RERE: variants seen among roughly 807,000 people sequenced by gnomAD.
RERE encodes the protein arginine-glutamic acid dipeptide repeats protein.
A neutral mutation model predicts 146.1 loss-of-function variants in RERE; 40 were observed. That is an observed-to-expected ratio of 0.27 (90% confidence interval 0.21 to 0.36). The LOEUF (loss-of-function observed/expected upper bound fraction) is 0.36. RERE is among the 10% of genes least tolerant of loss of function. The pLI, the probability that RERE is intolerant of heterozygous loss-of-function variation, is 1.00. For missense variants in RERE, 1,933 were observed against 2,138.7 expected (o/e 0.90, Z 1.90); for synonymous variants, 1,003 against 866.0 (o/e 1.16, Z -2.78).
chr1:8,445,235 CAG>C (rs1263468175), intron 11 of RERE, among the ~76,000 whole-genome samples: 1 of 152,198 alleles, frequency 6.6e-6, no homozygotes, highest in African/African-American at 2.4e-5. Context: ...TTTTACCTAA[CAG>C]AAACAAACTA....
chr1:8,681,889 T>C lies in RERE; in HGVS notation c.-144-25448A>G, dbSNP rs536965266. 9.0e-4 allele frequency among the ~76,000 whole-genome samples: 137 copies of C among 152,344 alleles called. 3 individuals are homozygous for C. In the South Asian group the frequency reaches 0.027, roughly 30 times the overall value. ...ATTCTTTTATATCCTAATATTCATA[T>C]TGAGAGATCTGGGCAAATATAGTAA... On this transcript the variant is annotated intron_variant, in intron 1 of 22. Transcript: ENST00000400908.
intron 1 of RERE, among the ~76,000 whole-genome samples, chr1:8,772,705 G>A (rs1245538575): frequency 5.3e-5 from 8 of 152,058 alleles, no homozygotes; most frequent in South Asian, 2.1e-4. Flanking sequence ...ACTTGAACCC[G>A]GAAGGTAGAG....
At chr1:8,708,684 C>T (rs1639604604) in intron 1 of RERE, among the ~76,000 whole-genome samples, 1 of 152,098 alleles carries the variant, frequency 6.6e-6, no homozygotes, top group African/African-American at 2.4e-5. Flanking sequence ...TCTTTGCCTG[C>T]TGTCATCCAT....
At chr1:8,443,473 A>G (rs950746416) in intron 11 of RERE, among the ~76,000 whole-genome samples, 1 of 151,104 alleles carries the variant, frequency 6.6e-6, no homozygotes. Flanking sequence ...AAAAAAAAAA[A>G]AAAAAAGAAA....
At chr1:8,469,117 T>G (rs1644645774) in intron 10 of RERE, among the ~76,000 whole-genome samples, 1 of 151,852 alleles carries the variant, frequency 6.6e-6, no homozygotes, top group South Asian at 2.1e-4. Flanking sequence ...AGGATAATAT[T>G]AGAAAATATA....
intron 2 of RERE, among the ~76,000 whole-genome samples, chr1:8,637,626 C>G (rs1254028208): frequency 2.0e-5 from 3 of 152,136 alleles, no homozygotes; most frequent in Non-Finnish European, 4.4e-5. Flanking sequence ...CACCCTTAAC[C>G]CGGGGACCAA....
Position 8,787,722 on chromosome 1 carries a change from T to C in RERE, c.-145+29438A>G, listed in dbSNP as rs370468054. On this transcript the variant is annotated intron_variant, in intron 1 of 22. Coordinates refer to ENST00000400908, the MANE Select transcript of RERE (RefSeq NM_001042681.2). ...GGTGGGTGCCTGTAATCCCAGCTACTTGGGAGGCTGAGGCAGGAGAATGGC... is the reference window on the plus strand; with the variant it reads ...GGTGGGTGCCTGTAATCCCAGCTACCTGGGAGGCTGAGGCAGGAGAATGGC... Among the ~76,000 whole-genome samples, 13 of 151,232 alleles carry C rather than the reference T, an allele frequency of 8.6e-5. No individual in the cohort carries two copies. In the East Asian group the frequency reaches 1.6e-3, roughly 18 times the overall value.
chr1:8,656,604 G>A (rs1295405294), intron 1 of RERE, among the ~76,000 whole-genome samples, 163 bp from the exon 2 acceptor site: 1 of 152,124 alleles, frequency 6.6e-6, no homozygotes, highest in Non-Finnish European at 1.5e-5. Flanking sequence ...ACAGTTTTTG[G>A]TCTCAGCAAA....
intron 3 of RERE, among the ~76,000 whole-genome samples, chr1:8,619,635 C>T (rs558815752): frequency 3.3e-5 from 5 of 152,310 alleles, no homozygotes; most frequent in African/African-American, 4.8e-5. Flanking sequence ...ACTTACTATA[C>T]AAGGAACTCC....
rs1218844975 is a variant in RERE at position 8,451,356 on chromosome 1, C to T, written c.1203+14569G>A. 5.3e-5 allele frequency among the ~76,000 whole-genome samples: 8 copies of T among 152,116 alleles called. No homozygotes were observed. The East Asian group carries it at 1.4e-3, about 26-fold the overall frequency. On this transcript the variant is annotated intron_variant, in intron 11 of 22. Coordinates refer to ENST00000400908, the MANE Select transcript of RERE (RefSeq NM_001042681.2). ...CTGAGGCAGGAGAACAGCTTGAACC[C>T]GGAAGGCAGAGGTTGCAGTGAGCTG...
intron 8 of RERE, among the ~76,000 whole-genome samples, chr1:8,506,517 T>C (rs940190888): frequency 1.8e-4 from 28 of 152,186 alleles, no homozygotes; most frequent in African/African-American, 6.8e-4. Flanking sequence ...TAGACAGAAA[T>C]AATAACTAGA....
At chr1:8,738,519 T>C (rs971502067) in intron 1 of RERE, among the ~76,000 whole-genome samples, 5 of 151,900 alleles carry the variant, frequency 3.3e-5, no homozygotes, top group African/African-American at 1.2e-4. Flanking sequence ...CCACTCACTA[T>C]AACACACTTA....
At chr1:8,520,774 A>AAAC (rs1645486282) in intron 7 of RERE, among the ~76,000 whole-genome samples, 1 of 151,046 alleles carries the variant, frequency 6.6e-6, no homozygotes, top group African/African-American at 2.4e-5. Context: ...AAAAAAAAAA[A>AAAC]AACCACTATG....
intron 10 of RERE, among the ~76,000 whole-genome samples, chr1:8,491,258 T>A (rs1053154523): frequency 6.6e-6 from 1 of 151,326 alleles, no homozygotes; most frequent in South Asian, 2.1e-4. Flanking sequence ...CTGACCAACA[T>A]GGCGAAACCC....
At chr1:8,748,066 C>G (rs146461087) in intron 1 of RERE, among the ~76,000 whole-genome samples, 18 of 152,270 alleles carry the variant, frequency 1.2e-4, no homozygotes, top group Non-Finnish European at 2.4e-4. Context: ...GCGTGAGCCA[C>G]CACGCCCGGC....
At chr1:8,701,153 T>C (rs1445231975) in intron 1 of RERE, among the ~76,000 whole-genome samples, 2 of 152,142 alleles carry the variant, frequency 1.3e-5, no homozygotes, top group Non-Finnish European at 2.9e-5. Flanking sequence ...CTAGTCTGCA[T>C]CACACACAGG....
At chr1:8,493,856 C>T (rs1051366430) in intron 10 of RERE, among the ~76,000 whole-genome samples, 3 of 152,126 alleles carry the variant, frequency 2.0e-5, no homozygotes, top group Admixed American at 2.0e-4. Flanking sequence ...AAATTGATTC[C>T]ATAAATATCA....
intron 12 of RERE, among the ~76,000 whole-genome samples, chr1:8,398,254 G>A (rs1557609978): frequency 6.6e-6 from 1 of 152,242 alleles, no homozygotes; most frequent in East Asian, 1.9e-4. Flanking sequence ...GGTGCAGAAA[G>A]AAAAGCAGTA....
Position 8,564,826 on chromosome 1 carries a change from A to ATATGTG in RERE, c.523-7304_523-7303insCACATA, listed in dbSNP as rs1384858524. 5.7e-3 allele frequency among the ~76,000 whole-genome samples: 668 copies of ATATGTG among 117,786 alleles called. 3 individuals carry two copies. Among genetic ancestry groups the ATATGTG allele is most frequent in the African/African-American group, 0.015 (438 of 28,740 alleles). The allele number at this position is 117,786 out of a possible 152,430, so 77.3% of individuals were successfully genotyped here. ...TGTGTGTGTATGTATGTGTGTGTAT[A>ATATGTG]TGTGTATGTGTGTGTGTGTGTGTGT... On this transcript the variant is annotated intron_variant, in intron 4 of 22. Transcript: ENST00000400908.
Sources: allele counts gnomAD v4.1 joint callset (sites outside exome capture counted in the v4.1 genomes callset), GRCh38; gene constraint gnomAD v4.1.1; transcripts MANE v1.5; gene names NCBI Gene and HGNC (gene_info 2026-07-23, HGNC 2026-07-21).